DPP10: variants seen among roughly 807,000 people sequenced by gnomAD.
DPP10 encodes inactive dipeptidyl peptidase 10.
DPP10 carries 33 observed loss-of-function variants against 120.9 expected under a neutral mutation model. The ratio of observed to expected loss-of-function variants is 0.27; its 90% CI spans 0.21 to 0.37. The LOEUF (loss-of-function observed/expected upper bound fraction) is 0.37, where lower values mean the gene tolerates loss of function less well. DPP10 is among the 10% of genes least tolerant of loss of function. DPP10 has a pLI of 1.00. For synonymous variants in DPP10, 337 were observed against 326.1 expected (o/e 1.03, Z -0.36); for missense variants, 816 against 942.8 (o/e 0.87, Z 1.76).
At position 114,509,239 on chromosome 2, in the gene DPP10, G is replaced by A. The variant is rs568787919; in HGVS notation, c.60+66401G>A. ...CTTTGGTTTGAACTAGGTTCAGCAG[G>A]CTTTTGTTTCTGACAAATAAAATAA... On this transcript the variant is annotated intron_variant, in intron 1 of 25. Transcript: ENST00000410059. Among the ~76,000 whole-genome samples, 5 of 152,230 alleles carry A rather than the reference G, an allele frequency of 3.3e-5. No homozygotes were observed. In the South Asian group the frequency reaches 1.0e-3, roughly 32 times the overall value.
chr2:115,165,967 C>T (rs2052808161), intron 1 of DPP10, among the ~76,000 whole-genome samples: 1 of 152,162 alleles, frequency 6.6e-6, no homozygotes, highest in South Asian at 2.1e-4. Context: ...TACAATTGAA[C>T]GTGAAGCTGT....
intron 1 of DPP10, among the ~76,000 whole-genome samples, chr2:115,133,145 G>GTGTGTGTGTGTGTA (rs1338395575): frequency 3.5e-5 from 1 of 28,762 alleles, no homozygotes; most frequent in African/African-American, 1.3e-4. Context: ...GTGTGTGTGT[G>GTGTGTGTGTGTGTA]TATATATATA....
Position 115,525,888 on chromosome 2 carries a change from C to A in DPP10, c.367-10C>A, listed in dbSNP as rs759567330. 1.3e-5 allele frequency: 20 copies of A among 1,550,238 alleles called. No homozygotes were observed. The African/African-American group carries it at 1.4e-4, about 11-fold the overall frequency. ...TTTTAAATATAACTGGTTTTTTTTT[C>A]TTTTTCTAGGTAACCTTCAAAGCAT... On this transcript the variant is annotated splice_polypyrimidine_tract_variant and intron_variant, in intron 4 of 25. Coordinates refer to ENST00000410059, the MANE Select transcript of DPP10 (RefSeq NM_020868.6).
At chr2:114,960,041 T>G (rs1312561785) in intron 1 of DPP10, among the ~76,000 whole-genome samples, 1 of 152,116 alleles carries the variant, frequency 6.6e-6, no homozygotes, top group Non-Finnish European at 1.5e-5. Context: ...GGAAAAAAAA[T>G]TAACCAGGTT....
intron 1 of DPP10, among the ~76,000 whole-genome samples, chr2:114,465,420 GA>G (rs1679279684): frequency 6.6e-6 from 1 of 151,674 alleles, no homozygotes; most frequent in Non-Finnish European, 1.5e-5. Flanking sequence ...ATGCCTTTTC[GA>G]GGAGCTTTTC....
intron 1 of DPP10, among the ~76,000 whole-genome samples, chr2:114,549,684 A>AAAG (rs1558870967): frequency 4.8e-3 from 334 of 68,934 alleles, no homozygotes; most frequent in Non-Finnish European, 8.9e-3. Flanking sequence ...AAAAAAAAAA[A>AAAG]AGAGAGAGAG....
intron 1 of DPP10, among the ~76,000 whole-genome samples, chr2:114,967,634 A>C (rs374854932): frequency 3.9e-5 from 6 of 152,306 alleles, no homozygotes; most frequent in African/African-American, 1.4e-4. Flanking sequence ...GTGAAAGTGA[A>C]GAATAGTGAA....
chr2:115,115,394 T>C (rs1310983298), intron 1 of DPP10, among the ~76,000 whole-genome samples: 2 of 152,284 alleles, frequency 1.3e-5, no homozygotes, highest in East Asian at 3.9e-4. Flanking sequence ...TGTTGAGTTG[T>C]TGGGGAAAAA....
chr2:115,509,816 C>G (rs1205111364), intron 4 of DPP10, among the ~76,000 whole-genome samples: 2 of 152,146 alleles, frequency 1.3e-5, no homozygotes, highest in African/African-American at 4.8e-5. Flanking sequence ...ATGGATTTGC[C>G]TTCCTAGCAA....
intron 1 of DPP10, among the ~76,000 whole-genome samples, chr2:114,597,254 A>G (rs1290055714): frequency 1.3e-5 from 2 of 152,090 alleles, no homozygotes; most frequent in Non-Finnish European, 1.5e-5. Flanking sequence ...CTGTTGGGCC[A>G]TAACAGATAC....
intron 1 of DPP10, among the ~76,000 whole-genome samples, chr2:114,557,684 G>C (rs760733568): frequency 1.3e-5 from 2 of 152,164 alleles, no homozygotes; most frequent in Non-Finnish European, 2.9e-5. Flanking sequence ...ATCAACTGTA[G>C]AAAGAAATAA....
intron 1 of DPP10, among the ~76,000 whole-genome samples, chr2:114,896,925 A>C (rs1331498957): frequency 6.6e-6 from 1 of 152,182 alleles, no homozygotes; most frequent in African/African-American, 2.4e-5. Context: ...TACCTAATTT[A>C]CTGAGAGTTT....
chr2:114,840,342 A>G (rs1688058551), intron 1 of DPP10, among the ~76,000 whole-genome samples: 1 of 152,108 alleles, frequency 6.6e-6, no homozygotes, highest in African/African-American at 2.4e-5. Flanking sequence ...TCAAAGAGCT[A>G]AGCAAATGGA....
intron 19 of DPP10, among the ~76,000 whole-genome samples, chr2:115,808,309 C>T (rs998095517): frequency 3.3e-5 from 5 of 152,056 alleles, no homozygotes; most frequent in African/African-American, 1.2e-4. Context: ...AAGAATACTT[C>T]GATGACATAA....
chr2:114,692,684 A>C (rs1052464749), intron 1 of DPP10, among the ~76,000 whole-genome samples: 1 of 151,946 alleles, frequency 6.6e-6, no homozygotes, highest in Non-Finnish European at 1.5e-5. Flanking sequence ...TGAGGTATTA[A>C]AGTCTTCCAC....
chr2:115,347,694 C>T (rs528829201), intron 3 of DPP10, among the ~76,000 whole-genome samples: 4 of 152,122 alleles, frequency 2.6e-5, no homozygotes, highest in Admixed American at 6.6e-5. Flanking sequence ...TATGTGTTCT[C>T]ATTGTGCAAC....
At chr2:114,945,923 A>G (rs1697315540) in intron 1 of DPP10, among the ~76,000 whole-genome samples, 1 of 152,242 alleles carries the variant, frequency 6.6e-6, no homozygotes, top group South Asian at 2.1e-4. Flanking sequence ...GTAATGTCAT[A>G]TTGATAACAT....
intron 1 of DPP10, among the ~76,000 whole-genome samples, chr2:114,836,721 C>T (rs564005228): frequency 1.9e-4 from 29 of 152,216 alleles, no homozygotes; most frequent in Non-Finnish European, 1.5e-4. Context: ...GGAATTTCCT[C>T]GTCCTAATAA....
At chr2:115,578,650 G>C in intron 5 of DPP10, among the ~76,000 whole-genome samples, 1 of 152,178 alleles carries the variant, frequency 6.6e-6, no homozygotes, top group East Asian at 1.9e-4. Flanking sequence ...TGCATACTCA[G>C]AACCATGATT....
Sources: gnomAD v4.1 joint callset for allele counts (sites outside exome capture counted in the v4.1 genomes callset) on GRCh38, gnomAD v4.1.1 for gene constraint, MANE v1.5 for transcripts, NCBI Gene and HGNC (gene_info 2026-07-23, HGNC 2026-07-21) for gene names.